SLC2A12: variants seen among roughly 807,000 people sequenced by gnomAD.
SLC2A12 encodes the protein solute carrier family 2, facilitated glucose transporter member 12.
In SLC2A12, 23 loss-of-function variants were observed where a neutral mutation model predicts 41.8. The observed-to-expected ratio is 0.55, with a 90% CI of 0.40 to 0.78. The LOEUF (loss-of-function observed/expected upper bound fraction) is 0.78, where lower values mean the gene tolerates loss of function less well. Among genes scored for constraint, SLC2A12 ranks in the 30% least tolerant of loss-of-function variants. The pLI, the probability that SLC2A12 is intolerant of heterozygous loss-of-function variation, is 0.00. For synonymous variants in SLC2A12, 295 were observed against 285.9 expected (o/e 1.03, Z -0.32); for missense variants, 654 against 745.6 (o/e 0.88, Z 1.43).
At chr6:134,050,081 C>A (rs1183487446) in intron 1 of SLC2A12, among the ~76,000 whole-genome samples, 1 of 152,122 alleles carries the variant, frequency 6.6e-6, no homozygotes, top group East Asian at 1.9e-4. Context: ...ACAAATATTA[C>A]CTCATTAAAT....
chr6:134,018,156 C>T (rs1479211848), intron 2 of SLC2A12, among the ~76,000 whole-genome samples: 2 of 152,100 alleles, frequency 1.3e-5, no homozygotes, highest in Non-Finnish European at 2.9e-5. Flanking sequence ...AAGCAAAATG[C>T]CTGTTGAAGT....
At chr6:134,031,914 A>C (rs897169612) in intron 1 of SLC2A12, among the ~76,000 whole-genome samples, 6 of 152,206 alleles carry the variant, frequency 3.9e-5, no homozygotes, top group Admixed American at 3.9e-4. Context: ...AGCATGATCA[A>C]GACTGGGACC....
intron 1 of SLC2A12, among the ~76,000 whole-genome samples, chr6:134,042,707 G>T (rs1180511267): frequency 1.3e-5 from 2 of 152,134 alleles, no homozygotes; most frequent in Non-Finnish European, 1.5e-5. Flanking sequence ...GCTCACACCT[G>T]TAATCCCAGC....
At chr6:133,998,397 C>T (rs1181314937) in intron 4 of SLC2A12, among the ~76,000 whole-genome samples, 1 of 152,180 alleles carries the variant, frequency 6.6e-6, no homozygotes, top group Non-Finnish European at 1.5e-5. Flanking sequence ...ATTCTGCTTT[C>T]AAGTTTGACT....
chr6:134,029,007 T>A lies in SLC2A12; in HGVS notation c.818A>T (p.Asp273Val). The change falls in exon 2 of 5, where the codon GAC (aspartate) becomes GTC (valine). Residue 273 changes from aspartate (D) to valine (V), a missense_variant. Physicochemically the swap from Asp to Val is radical, Grantham distance 152. This residue lies in a region of SLC2A12 where 411 missense variants were observed against 412.1 expected (regional missense o/e 1.00). Coordinates refer to ENST00000275230, the MANE Select transcript of SLC2A12 (RefSeq NM_145176.3). ...TATCATTATTCGGGTCCGCATGTTGTCTTTTGAACGAAACAGATCCCAAAA... is the reference window on the plus strand; with the variant it reads ...TATCATTATTCGGGTCCGCATGTTGACTTTTGAACGAAACAGATCCCAAAA... Reference protein sequence around the residue: ...YSFWDLFRSKDNMRTRIMIGL... With the variant: ...YSFWDLFRSKVNMRTRIMIGL... 6.2e-7 allele frequency: 1 copy of A among 1,614,224 alleles called. No individual in the cohort carries two copies. The highest frequency in any genetic ancestry group is 8.5e-7 in the Non-Finnish European group (1 of 1,180,030).
intron 2 of SLC2A12, among the ~76,000 whole-genome samples, chr6:134,020,420 C>T (rs1052622687): frequency 1.3e-5 from 2 of 152,194 alleles, no homozygotes; most frequent in Admixed American, 1.3e-4. Context: ...GTAATGCATT[C>T]AAGATCTGGT....
chr6:134,027,309 C>G (rs1187122559), intron 2 of SLC2A12, among the ~76,000 whole-genome samples: 1 of 152,190 alleles, frequency 6.6e-6, no homozygotes, highest in Non-Finnish European at 1.5e-5. Flanking sequence ...TACCTAGAAC[C>G]AGAGCCCTAC....
Position 134,052,363 on chromosome 6 carries a change from G to A in SLC2A12, c.103+15C>T, listed in dbSNP as rs750772255. On this transcript the variant is annotated intron_variant, in intron 1 of 4. Coordinates refer to ENST00000275230, the MANE Select transcript of SLC2A12 (RefSeq NM_145176.3). Reference sequence around the variant, plus strand: ...GCTTCTCTGCGGTCACCCGAGCACTGCAGGCTCACTTTACCTCTCGCCCAG... The same window carrying A: ...GCTTCTCTGCGGTCACCCGAGCACTACAGGCTCACTTTACCTCTCGCCCAG... 6.2e-7 allele frequency: 1 copy of A among 1,606,450 alleles called. No individual in the cohort carries two copies. Among genetic ancestry groups the A allele is most frequent in the East Asian group, 2.2e-5 (1 of 44,822 alleles).
chr6:134,025,814 T>C (rs1777105752), intron 2 of SLC2A12, among the ~76,000 whole-genome samples: 1 of 152,232 alleles, frequency 6.6e-6, no homozygotes, highest in Non-Finnish European at 1.5e-5. Context: ...CCCAAAGTGT[T>C]GGGATTACAG....
At position 133,987,678 on chromosome 6, in the gene SLC2A12, T is replaced by C. The variant is rs537231025; in HGVS notation, c.*3477A>G. The C allele has an allele frequency of 2.1e-4, 29 of 139,796 alleles. No homozygotes were observed. The highest frequency in any genetic ancestry group is 7.5e-4 in the African/African-American group (28 of 37,248). 8.7% of individuals were successfully genotyped at this position (139,796 alleles called of 1,614,324 possible). A position where few individuals can be genotyped will look rare whatever the true frequency, so the allele number is the denominator to read the frequency against. ...TATATATATATATATGCACCACATG[T>C]GTATAGTATCTTTTAATGCTCTGTT... On this transcript the variant is annotated 3_prime_UTR_variant, in exon 5 of 5. Transcript: ENST00000275230.
At chr6:134,021,703 A>G (rs917234872) in intron 2 of SLC2A12, among the ~76,000 whole-genome samples, 14 of 152,380 alleles carry the variant, frequency 9.2e-5, no homozygotes, top group African/African-American at 3.4e-4. Flanking sequence ...AGCTGGGATT[A>G]GAACAGAGGT....
chr6:134,038,330 ACTTTCATTCTTTTT>A (rs1219232217), intron 1 of SLC2A12, among the ~76,000 whole-genome samples: 9 of 86,594 alleles, frequency 1.0e-4, no homozygotes, highest in African/African-American at 3.7e-4. Flanking sequence ...TATGTGTATT[ACTTTCATTCTTTTT>A]CTTTCTGCCT....
chr6:134,036,991 A>G (rs973704934), intron 1 of SLC2A12, among the ~76,000 whole-genome samples: 2 of 152,040 alleles, frequency 1.3e-5, no homozygotes, highest in African/African-American at 4.8e-5. Flanking sequence ...AGGTTCCATA[A>G]CATTCTCCAG....
At position 134,028,450 on chromosome 6, in the gene SLC2A12, A is replaced by C; in HGVS notation, c.1375T>G (p.Phe459Val). The C allele has an allele frequency of 6.2e-7, 1 of 1,614,106 alleles. No homozygotes were observed. Among genetic ancestry groups the C allele is most frequent in the South Asian group, 1.1e-5 (1 of 91,036 alleles). ...CTGGCTAAGGACAGCCATTTCAAAA[A>C]AGCTGGGACGTCCCCAGGGTCTGTG... ...IVTDPGDVPA[F>V]LKWLSLASLL... The change falls in exon 2 of 5, where the codon TTT becomes GTT. Residue 459 changes from phenylalanine (F) to valine (V), a missense_variant. Coordinates refer to ENST00000275230, the MANE Select transcript of SLC2A12 (RefSeq NM_145176.3).
intron 2 of SLC2A12, among the ~76,000 whole-genome samples, chr6:134,015,772 G>A (rs1484092475): frequency 2.0e-5 from 3 of 152,148 alleles, no homozygotes; most frequent in Non-Finnish European, 4.4e-5. Context: ...TTCCAAATTA[G>A]AACCTGCTGC....
chr6:134,006,709 T>C (rs1776820394), intron 3 of SLC2A12, 103 bp downstream of exon 3: 1 of 1,434,394 alleles, frequency 7.0e-7, no homozygotes, highest in African/African-American at 1.4e-5. Context: ...CTTCTAAGTG[T>C]GTTTGAAAAT....
At chr6:134,041,439 T>G (rs1366651943) in intron 1 of SLC2A12, among the ~76,000 whole-genome samples, 1 of 152,008 alleles carries the variant, frequency 6.6e-6, no homozygotes, top group Non-Finnish European at 1.5e-5. Flanking sequence ...GCTATGATTT[T>G]ACCTCTGCCC....
intron 1 of SLC2A12, among the ~76,000 whole-genome samples, chr6:134,044,713 T>TAAA (rs35658583): frequency 1.0e-4 from 10 of 100,498 alleles, no homozygotes; most frequent in African/African-American, 1.8e-4. Flanking sequence ...AAACTCCGTC[T>TAAA]AAAAAAAAAA....
At chr6:133,995,248 G>A (rs750622785) in intron 4 of SLC2A12, among the ~76,000 whole-genome samples, 1 of 151,826 alleles carries the variant, frequency 6.6e-6, no homozygotes, top group Non-Finnish European at 1.5e-5. Flanking sequence ...ATCATAGCAG[G>A]TTTCTGTGCT....
Sources: gnomAD v4.1 joint callset for allele counts (sites outside exome capture counted in the v4.1 genomes callset) on GRCh38, gnomAD v4.1.1 for gene constraint, gnomAD v4.1.1 regional missense constraint, MANE v1.5 for transcripts, NCBI Gene and HGNC (gene_info 2026-07-23, HGNC 2026-07-21) for gene names.